The following CDH5 variants were observed in gnomAD, a reference collection of about 807,000 sequenced individuals.
The protein encoded by CDH5 is cadherin 5.
Under a neutral mutation model 62.0 loss-of-function variants are expected in CDH5, and 28 were observed. That is an observed-to-expected ratio of 0.45 (90% CI 0.33 to 0.62). The LOEUF (loss-of-function observed/expected upper bound fraction) is 0.62. Among genes scored for constraint, CDH5 ranks in the 20% least tolerant of loss-of-function variants. The probability of loss-of-function intolerance (pLI) is 0.02; values close to 1 mark genes in which losing one functional copy is unlikely to be tolerated. For missense variants in CDH5, 940 were observed against 1,065.1 expected, an observed-to-expected ratio of 0.88 and a Z score of 1.63; for synonymous variants, 464 against 445.8, an observed-to-expected ratio of 1.04 and a Z score of -0.52.
At chr16:66,389,257 C>A in intron 4 of CDH5, 101 bp from the exon 5 acceptor site, 1 of 1,146,482 alleles carries the variant, frequency 8.7e-7, no homozygotes, top group Non-Finnish European at 1.2e-6. Context: ...ACAGTGGAAT[C>A]ACCAGGGAAG....
intron 1 of CDH5, among the ~76,000 whole-genome samples, chr16:66,373,511 G>T (rs1960730551): frequency 6.6e-6 from 1 of 151,764 alleles, no homozygotes. Context: ...CGCCTCCCAG[G>T]TTCAAGCGAT....
At chr16:66,395,117 G>T (rs1472799301) in intron 7 of CDH5, among the ~76,000 whole-genome samples, 1 of 126,876 alleles carries the variant, frequency 7.9e-6, no homozygotes, top group African/African-American at 3.0e-5. Context: ...TGAACTCCTG[G>T]CCTCAAGCAA....
chr16:66,392,712 C>T, intron 7 of CDH5: 1 of 285,128 alleles, frequency 3.5e-6, no homozygotes, highest in Non-Finnish European at 6.6e-6. Context: ...TCAGACGACA[C>T]ACCAGAGGCC....
At chr16:66,383,812 C>T (rs1359766224) in intron 2 of CDH5, among the ~76,000 whole-genome samples, 2 of 152,152 alleles carry the variant, frequency 1.3e-5, no homozygotes, top group Non-Finnish European at 2.9e-5. Context: ...TGCTGCCCAC[C>T]TCTCTCCCAC....
chr16:66,392,211 A>G lies in CDH5; in HGVS notation c.1045A>G (p.Met349Val), dbSNP rs774601398. Residue 349 changes from methionine (M) to valine (V), a missense_variant, in exon 7 of 12, where the codon ATG becomes GTG. Met to Val is a conservative substitution (Grantham distance 21). Coordinates refer to ENST00000341529, the MANE Select transcript of CDH5 (RefSeq NM_001795.5). ...AGACCCCACCATCGACCTCCGATACATGAGCCCTCCCGCGGGAAACAGAGC... is the reference window on the plus strand; with the variant it reads ...AGACCCCACCATCGACCTCCGATACGTGAGCCCTCCCGCGGGAAACAGAGC... ...ATDPTIDLRY[M>V]SPPAGNRAQV... 30 of 1,613,990 alleles carry G rather than the reference A, an allele frequency of 1.9e-5. No individual in the cohort carries two copies. In the Admixed American group the frequency reaches 2.5e-4, roughly 13 times the overall value.
intron 8 of CDH5, 37 bp from the exon 9 acceptor site, chr16:66,397,945 G>A (rs1961214294): frequency 4.3e-6 from 7 of 1,613,414 alleles, no homozygotes; most frequent in Non-Finnish European, 5.9e-6. Context: ...GCCAGCATCA[G>A]CTGAGCCCAT....
At chr16:66,386,730 T>C (rs753724128) in intron 2 of CDH5, 79 bp from the exon 3 acceptor site, 17 of 1,309,964 alleles carry the variant, frequency 1.3e-5, no homozygotes, top group Middle Eastern at 1.9e-4. Context: ...GGCACACCTG[T>C]GTACACACAC....
intron 10 of CDH5, among the ~76,000 whole-genome samples, chr16:66,399,098 C>A (rs1456703442): frequency 6.6e-6 from 1 of 152,192 alleles, no homozygotes; most frequent in Non-Finnish European, 1.5e-5. Context: ...ACTTTGAGGT[C>A]ATTCCCAAAG....
intron 1 of CDH5, among the ~76,000 whole-genome samples, chr16:66,374,054 A>G (rs1960740753): frequency 6.6e-6 from 1 of 152,206 alleles, no homozygotes; most frequent in Non-Finnish European, 1.5e-5. Flanking sequence ...TCCTGGCTCC[A>G]CTGCCTCCGG....
intron 10 of CDH5, 72 bp from the exon 11 acceptor site, chr16:66,400,699 C>T: frequency 6.3e-7 from 1 of 1,597,752 alleles, no homozygotes; most frequent in Non-Finnish European, 8.6e-7. Context: ...TCAGGGAGGG[C>T]TTCCTGGAGG....
chr16:66,400,650 G>C, intron 10 of CDH5, 121 bp from the exon 11 acceptor site: 1 of 1,151,830 alleles, frequency 8.7e-7, no homozygotes, highest in Non-Finnish European at 1.3e-6. Flanking sequence ...GGGTGCAAAG[G>C]GCAGAAAAGC....
Position 66,379,314 on chromosome 16 carries a change from C to T in CDH5, c.-19-5C>T, listed in dbSNP as rs1300678914. 7 of 1,589,668 alleles carry T rather than the reference C, an allele frequency of 4.4e-6. No homozygotes were observed. In the African/African-American group the frequency reaches 8.1e-5, roughly 18 times the overall value. ...AGAGTCTGAATGTGTCTCCTCTTTC[C>T]CCAGATCTGTTCCTCCTGGGAAGAT... On this transcript the variant is annotated splice_polypyrimidine_tract_variant and splice_region_variant and intron_variant, in intron 1 of 11. Transcript: ENST00000341529.
At chr16:66,371,517 C>A (rs1055429209) in intron 1 of CDH5, among the ~76,000 whole-genome samples, 6 of 152,126 alleles carry the variant, frequency 3.9e-5, no homozygotes, top group African/African-American at 9.7e-5. Flanking sequence ...AAGAGGAGCC[C>A]TGCAGGAGTT....
chr16:66,380,282 T>C (rs111067757), intron 2 of CDH5, among the ~76,000 whole-genome samples: 5,842 of 118,216 alleles, frequency 0.049, 541 homozygotes, highest in African/African-American at 0.15. Flanking sequence ...GATAAAGGGG[T>C]AGGTGGTGAT....
chr16:66,397,990 A>C lies in CDH5; in HGVS notation c.1369A>C (p.Thr457Pro), dbSNP rs762448848. ...AGTCTTCTCCCCTGCAGGAACCCCC[A>C]CAGGAAAAGAATCCATTGTGCAAGT... ...AKELDSTGTP[T>P]GKESIVQVHI... The change falls in exon 9 of 12, where the codon ACA (threonine) becomes CCA (proline). Residue 457 changes from threonine (T) to proline (P), a missense_variant. Thr to Pro is a conservative substitution (Grantham distance 38). Transcript: ENST00000341529. The C allele has an allele frequency of 6.2e-7, 1 of 1,614,004 alleles. No homozygotes were observed. The highest frequency in any genetic ancestry group is 1.3e-5 in the African/African-American group (1 of 74,916).
At chr16:66,373,546 G>A (rs1332674701) in intron 1 of CDH5, among the ~76,000 whole-genome samples, 3 of 152,022 alleles carry the variant, frequency 2.0e-5, no homozygotes, top group African/African-American at 7.3e-5. Flanking sequence ...CTCCCGAGTA[G>A]CTGGGACTAT....
At chr16:66,385,746 C>A (rs1240958867) in intron 2 of CDH5, among the ~76,000 whole-genome samples, 1 of 152,166 alleles carries the variant, frequency 6.6e-6, no homozygotes, top group Non-Finnish European at 1.5e-5. Context: ...AAAACACAGT[C>A]AAAGGTAGCA....
intron 9 of CDH5, 66 bp from the exon 10 acceptor site, chr16:66,398,390 C>T: frequency 9.4e-7 from 1 of 1,062,704 alleles, no homozygotes. Flanking sequence ...GGCTCCATCG[C>T]TAAACCTCAG....
chr16:66,385,168 A>G (rs1468302305), intron 2 of CDH5, among the ~76,000 whole-genome samples: 2 of 152,158 alleles, frequency 1.3e-5, no homozygotes, highest in Non-Finnish European at 2.9e-5. Context: ...TGAGAGTATC[A>G]TTGTATATGC....
Sources: allele counts gnomAD v4.1 joint callset (sites outside exome capture counted in the v4.1 genomes callset), GRCh38; gene constraint gnomAD v4.1.1; transcripts MANE v1.5; gene names NCBI Gene and HGNC (gene_info 2026-07-23, HGNC 2026-07-21).